TRAPPC8: variants seen among roughly 807,000 people sequenced by gnomAD.
TRAPPC8 encodes trafficking protein particle complex subunit 8, also known as general sporulation gene 1 homolog.
In TRAPPC8, 54 loss-of-function variants were observed where a neutral mutation model predicts 174.3. That is an observed-to-expected ratio of 0.31 (90% CI 0.25 to 0.39). The LOEUF is 0.39. Among genes scored for constraint, TRAPPC8 ranks in the 10% least tolerant of loss-of-function variants. TRAPPC8 has a pLI of 1.00. For missense variants in TRAPPC8, 1,531 were observed against 1,699.1 expected (o/e 0.90, Z 1.74); for synonymous variants, 630 against 579.9 (o/e 1.09, Z -1.24).
intron 2 of TRAPPC8, among the ~76,000 whole-genome samples, chr18:31,924,846 T>C (rs1397066491): frequency 3.3e-5 from 5 of 151,648 alleles, no homozygotes; most frequent in Non-Finnish European, 7.4e-5. Context: ...TATGAGGAGA[T>C]GTTGGCAGGG....
chr18:31,888,749 G>A (rs943196758), intron 12 of TRAPPC8, among the ~76,000 whole-genome samples: 2 of 152,098 alleles, frequency 1.3e-5, no homozygotes, highest in African/African-American at 4.8e-5. Context: ...AACACACACT[G>A]GGGCCTGTTG....
In TRAPPC8 at chr18:31,931,534, A is replaced by G. The variant is rs999321019; in HGVS notation, c.158-11T>C. 1 of 1,530,338 alleles carries G rather than the reference A, an allele frequency of 6.5e-7. No homozygotes were observed. Among genetic ancestry groups the G allele is most frequent in the African/African-American group, 1.4e-5 (1 of 71,744 alleles). The allele number at this position is 1,530,338 out of a possible 1,614,324, so 94.8% of individuals were successfully genotyped here. Reference sequence around the variant, plus strand: ...GATCTCTCATGTGAACTTTAAAGAAAAAAAGAAAAAAACTTGAAATTAATT... The same window carrying G: ...GATCTCTCATGTGAACTTTAAAGAAGAAAAGAAAAAAACTTGAAATTAATT... On this transcript the variant is annotated splice_polypyrimidine_tract_variant and intron_variant, in intron 1 of 28. Coordinates refer to ENST00000283351, the MANE Select transcript of TRAPPC8 (RefSeq NM_014939.5).
intron 23 of TRAPPC8, 35 bp from the exon 24 acceptor site, chr18:31,852,539 T>A: frequency 6.2e-7 from 1 of 1,613,974 alleles, no homozygotes; most frequent in Non-Finnish European, 8.5e-7. Flanking sequence ...AATCATATCA[T>A]TGGCATAAAA....
intron 27 of TRAPPC8, among the ~76,000 whole-genome samples, chr18:31,837,114 T>G (rs2032794469): frequency 1.3e-5 from 2 of 151,932 alleles, no homozygotes; most frequent in Non-Finnish European, 2.9e-5. Context: ...TACATCTGTA[T>G]CAGAGAAAGG....
At position 31,870,314 on chromosome 18, in the gene TRAPPC8, T is replaced by G. The variant is rs1369253953; in HGVS notation, c.2388+58A>C. Reference sequence around the variant, plus strand: ...TGAACAGAGTACATTGAAATGTTACTACAGCATTTGTTAGGCTGTAGCTGA... The same window carrying G: ...TGAACAGAGTACATTGAAATGTTACGACAGCATTTGTTAGGCTGTAGCTGA... On this transcript the variant is annotated intron_variant, in intron 16 of 28. Transcript: ENST00000283351. 5 of 1,499,044 alleles carry G rather than the reference T, an allele frequency of 3.3e-6. No individual in the cohort carries two copies. The Admixed American group carries it at 9.9e-5, about 30-fold the overall frequency. 92.9% of individuals were successfully genotyped at this position (1,499,044 alleles called of 1,614,324 possible).
At chr18:31,878,309 A>G (rs942410734) in intron 12 of TRAPPC8, among the ~76,000 whole-genome samples, 23 of 152,202 alleles carry the variant, frequency 1.5e-4, no homozygotes, top group African/African-American at 5.5e-4. Flanking sequence ...AACCTTACCA[A>G]CAAAAAGAGA....
Position 31,856,596 on chromosome 18 carries a change from A to C in TRAPPC8, c.3189-789T>G, listed in dbSNP as rs954482662. ...AAGTTCAAACTTTAACCTGGTATTC[A>C]AAACTCCTCACCATATATAAGCTTT... is the stretch of plus-strand genomic sequence containing the variant. On this transcript the variant is annotated intron_variant, in intron 20 of 28. Coordinates refer to ENST00000283351, the MANE Select transcript of TRAPPC8 (RefSeq NM_014939.5). Among the ~76,000 whole-genome samples the C allele has an allele frequency of 9.2e-5, 14 of 152,138 alleles. No homozygotes were observed. The East Asian group carries it at 2.7e-3, about 29-fold the overall frequency.
intron 1 of TRAPPC8, among the ~76,000 whole-genome samples, chr18:31,941,657 G>A (rs759649761): frequency 5.9e-5 from 9 of 152,078 alleles, no homozygotes; most frequent in Non-Finnish European, 8.8e-5. Flanking sequence ...AAACATGGTA[G>A]CGCAAAAATG....
intron 12 of TRAPPC8, among the ~76,000 whole-genome samples, chr18:31,874,917 G>A (rs2035068806): frequency 6.6e-6 from 1 of 152,138 alleles, no homozygotes; most frequent in Non-Finnish European, 1.5e-5. Flanking sequence ...CATTGTGTGT[G>A]TGCGTTAGAT....
intron 2 of TRAPPC8, among the ~76,000 whole-genome samples, chr18:31,930,248 T>C (rs1029031934): frequency 3.9e-5 from 6 of 151,982 alleles, no homozygotes; most frequent in African/African-American, 1.4e-4. Context: ...GCCTCCCAAG[T>C]AGCTGGGATT....
Position 31,870,950 on chromosome 18 carries a change from T to C in TRAPPC8, c.2233A>G (p.Arg745Gly). The change falls in exon 15 of 29, where the codon AGA becomes GGA. Residue 745 changes from arginine (R) to glycine (G), a missense_variant. Arg to Gly is a moderately radical substitution (Grantham distance 125). Transcript: ENST00000283351. Reference sequence around the variant, plus strand: ...CCTTCTACAACTGCAAGTGGAAATCTTGAATTATCTGAGTAACTGTTCAAA... The same window carrying C: ...CCTTCTACAACTGCAAGTGGAAATCCTGAATTATCTGAGTAACTGTTCAAA... ...YCLNSYSDNS[R>G]FPLAVVEEPI... 1.3e-6 allele frequency: 2 copies of C among 1,574,216 alleles called. No individual in the cohort carries two copies. The highest frequency in any genetic ancestry group is 1.2e-5 in the South Asian group (1 of 84,942).
Position 31,895,574 on chromosome 18 carries a change from A to G in TRAPPC8, c.1596+2212T>C, listed in dbSNP as rs539130980. Among the ~76,000 whole-genome samples the G allele has an allele frequency of 1.7e-4, 26 of 152,354 alleles. 1 individual carries two copies. In the South Asian group the frequency reaches 5.0e-3, roughly 29 times the overall value. On this transcript the variant is annotated intron_variant, in intron 11 of 28. Transcript: ENST00000283351. The stretch of plus-strand genomic sequence containing the variant: ...AAAATAACACGGTTATAATGCAGAC[A>G]GGAGAACTTGCTCTGAAGAAATTTT...
chr18:31,846,586 C>A, intron 26 of TRAPPC8, 130 bp downstream of exon 26: 3 of 717,680 alleles, frequency 4.2e-6, no homozygotes, highest in Middle Eastern at 3.6e-4. Flanking sequence ...AAAACAACAA[C>A]AAAAAAAACC....
intron 2 of TRAPPC8, among the ~76,000 whole-genome samples, chr18:31,927,771 T>C (rs926976148): frequency 1.3e-5 from 2 of 152,160 alleles, no homozygotes; most frequent in Non-Finnish European, 2.9e-5. Flanking sequence ...ATGAAAAAGA[T>C]ACTTTTGGTC....
At chr18:31,870,614 G>T in intron 15 of TRAPPC8, 112 bp from the exon 16 acceptor site, 1 of 1,177,472 alleles carries the variant, frequency 8.5e-7, no homozygotes, top group Non-Finnish European at 1.2e-6. Flanking sequence ...TGCCTAGACT[G>T]TCCTTTATTA....
chr18:31,933,483 T>C (rs1415642213), intron 1 of TRAPPC8, among the ~76,000 whole-genome samples: 1 of 152,184 alleles, frequency 6.6e-6, no homozygotes, highest in Non-Finnish European at 1.5e-5. Context: ...GGGATCATTT[T>C]AGTGATTTAG....
intron 6 of TRAPPC8, 28 bp from the exon 7 acceptor site, chr18:31,909,038 C>T (rs753279310): frequency 1.3e-6 from 2 of 1,575,172 alleles, no homozygotes; most frequent in East Asian, 4.5e-5. Context: ...ATTTCTTTTA[C>T]TCTCAGAATG....
In TRAPPC8 at chr18:31,852,591, T is replaced by A; in HGVS notation, c.3502+4A>T. The stretch of plus-strand genomic sequence containing the variant: ...AGTAAAGTGTAAAAGTAAAGTGAAT[T>A]TACCTTCTTCTTTCTCACATCTTAT... On this transcript the variant is annotated splice_donor_region_variant and intron_variant, in intron 23 of 28. Transcript: ENST00000283351. The A allele has an allele frequency of 6.2e-7, 1 of 1,614,080 alleles. No individual in the cohort carries two copies. The highest frequency in any genetic ancestry group is 8.5e-7 in the Non-Finnish European group (1 of 1,179,978).
intron 6 of TRAPPC8, among the ~76,000 whole-genome samples, chr18:31,909,296 T>C (rs947323193): frequency 2.0e-5 from 3 of 151,972 alleles, no homozygotes; most frequent in Admixed American, 1.3e-4. Context: ...GACTTTTAAA[T>C]AGTACAACTA....
Sources: gnomAD v4.1 joint callset for allele counts (sites outside exome capture counted in the v4.1 genomes callset) on GRCh38, gnomAD v4.1.1 for gene constraint, MANE v1.5 for transcripts, NCBI Gene and HGNC (gene_info 2026-07-23, HGNC 2026-07-21) for gene names.